The following USP26 variants were observed in gnomAD, a reference collection of about 807,000 sequenced individuals.
USP26 encodes ubiquitin carboxyl-terminal hydrolase 26.
For synonymous variants in USP26, 236 were observed against 240.6 expected (o/e 0.98, Z 0.18); for missense variants, 649 against 642.3 (o/e 1.01, Z -0.11).
chrX:133,072,059 G>A (rs962505423), intron 5 of USP26, among the ~76,000 whole-genome samples: 1 of 111,452 alleles, frequency 9.0e-6, no homozygotes, highest in African/African-American at 3.3e-5. Flanking sequence ...CCTACCCTGG[G>A]TAATACATTG....
chrX:133,077,528 T>C (rs918353680), intron 5 of USP26, among the ~76,000 whole-genome samples: 2 of 112,142 alleles, frequency 1.8e-5, no homozygotes, highest in African/African-American at 3.2e-5. Flanking sequence ...TCAGATATAC[T>C]ACAAAGAAGG....
At chrX:133,084,512 C>CTTTTTT (rs34922544) in intron 4 of USP26, among the ~76,000 whole-genome samples, 1 of 71,143 alleles carries the variant, frequency 1.4e-5, no homozygotes, top group African/African-American at 5.9e-5. Context: ...GGCAGAACTT[C>CTTTTTT]TTTTTTTTTT....
chrX:133,038,222 G>A (rs2067403188), intron 5 of USP26, among the ~76,000 whole-genome samples: 1 of 111,450 alleles, frequency 9.0e-6, no homozygotes, highest in Non-Finnish European at 1.9e-5. Context: ...TGGTGAGAGA[G>A]GGCATCCTTG....
chrX:133,025,447 G>T lies in USP26; in HGVS notation c.*32C>A. 8.3e-7 allele frequency: 1 copy of T among 1,209,732 alleles called. No homozygotes were observed. Among genetic ancestry groups the T allele is most frequent in the Non-Finnish European group, 1.1e-6 (1 of 894,971 alleles). On this transcript the variant is annotated 3_prime_UTR_variant, in exon 6 of 6. Transcript: ENST00000511190. ...GAAGTGGTATCGAGTGAGACAGTCA[G>T]GCAGATCTGTACAAGGAGGAGTACG...
At chrX:133,089,589 T>C (rs759020280) in intron 4 of USP26, among the ~76,000 whole-genome samples, 4 of 111,708 alleles carry the variant, frequency 3.6e-5, no homozygotes, top group Non-Finnish European at 7.5e-5. Flanking sequence ...GTGCAATACC[T>C]GAGAAAGGAA....
chrX:133,069,079 A>C (rs1193633750), intron 5 of USP26, among the ~76,000 whole-genome samples: 1 of 111,434 alleles, frequency 9.0e-6, no homozygotes, highest in African/African-American at 3.3e-5. Flanking sequence ...TACTACTTTT[A>C]TTTACTCCAA....
intron 5 of USP26, among the ~76,000 whole-genome samples, chrX:133,074,078 G>A (rs1286899842): frequency 8.9e-6 from 1 of 111,931 alleles, no homozygotes; most frequent in Non-Finnish European, 1.9e-5. Flanking sequence ...ATAGCAGGAG[G>A]CAAGACTTTG....
Position 133,026,938 on chromosome X carries a change from C to A in USP26, c.1283G>T (p.Ser428Ile), listed in dbSNP as rs1602965537. The A allele has an allele frequency of 8.3e-7, 1 of 1,209,689 alleles. No homozygotes were observed. Among genetic ancestry groups the A allele is most frequent in the East Asian group, 3.0e-5 (1 of 33,734 alleles). Residue 428 changes from serine (S) to isoleucine (I), a missense_variant, in exon 6 of 6, where the codon AGT becomes ATT. Coordinates refer to ENST00000511190, the MANE Select transcript of USP26 (RefSeq NM_031907.3). ...KQVFADDPDT[S>I]GFSCPVITNF... is the part of the protein sequence containing the mutation. The stretch of plus-strand genomic sequence containing the variant: ...AGTAATGACAGGGCAAGAAAACCCA[C>A]TGGTGTCAGGATCATCAGCAAAAAC...
intron 5 of USP26, among the ~76,000 whole-genome samples, chrX:133,058,771 T>A (rs930229570): frequency 4.5e-5 from 5 of 111,929 alleles, no homozygotes; most frequent in African/African-American, 1.6e-4. Context: ...GATTAATAAC[T>A]ACTATGTTGG....
intron 4 of USP26, among the ~76,000 whole-genome samples, chrX:133,088,483 G>T (rs976082620): frequency 2.5e-4 from 28 of 111,150 alleles, no homozygotes; most frequent in African/African-American, 9.2e-4. Context: ...TTGCTCGCCC[G>T]GCTGCTTACC....
chrX:133,056,902 C>T (rs1446773271), intron 5 of USP26, among the ~76,000 whole-genome samples: 3 of 111,178 alleles, frequency 2.7e-5, no homozygotes, highest in Admixed American at 9.6e-5. Context: ...GGCTAAGTAA[C>T]CCAGGCTCTC....
chrX:133,053,311 G>A (rs975635966), intron 5 of USP26, among the ~76,000 whole-genome samples: 3 of 111,529 alleles, frequency 2.7e-5, no homozygotes, highest in African/African-American at 9.8e-5. Context: ...GCCAAGGCGG[G>A]TGGATTACTT....
At chrX:133,049,665 A>G (rs1262072839) in intron 5 of USP26, among the ~76,000 whole-genome samples, 1 of 112,370 alleles carries the variant, frequency 8.9e-6, no homozygotes, top group Admixed American at 9.4e-5. Flanking sequence ...AATGAGACCA[A>G]TGCTCAAGAA....
chrX:133,042,665 A>G (rs2067423960), intron 5 of USP26, among the ~76,000 whole-genome samples: 1 of 111,871 alleles, frequency 8.9e-6, no homozygotes, highest in Non-Finnish European at 1.9e-5. Context: ...TCCTCCAAGG[A>G]GCTCAATATT....
intron 5 of USP26, among the ~76,000 whole-genome samples, chrX:133,059,140 A>G (rs914708564): frequency 7.2e-5 from 8 of 111,179 alleles, no homozygotes; most frequent in African/African-American, 2.3e-4. Context: ...CATTTCTGCC[A>G]TCTCTGGTTT....
intron 5 of USP26, among the ~76,000 whole-genome samples, chrX:133,059,411 A>G (rs928598008): frequency 3.6e-5 from 4 of 111,169 alleles, no homozygotes; most frequent in African/African-American, 1.3e-4. Flanking sequence ...ATCTTATCTC[A>G]CATTTATACA....
intron 5 of USP26, among the ~76,000 whole-genome samples, chrX:133,036,952 G>C (rs890840898): frequency 1.8e-5 from 2 of 112,572 alleles, no homozygotes; most frequent in South Asian, 3.7e-4. Flanking sequence ...TTATTCATAC[G>C]TTTGTTGGCC....
chrX:133,079,951 C>T (rs1263601893), intron 5 of USP26, among the ~76,000 whole-genome samples: 2 of 111,165 alleles, frequency 1.8e-5, no homozygotes, highest in African/African-American at 6.5e-5. Flanking sequence ...TGTAGGTGGA[C>T]ATATATTAGT....
chrX:133,088,943 GT>G (rs747353965), intron 4 of USP26, among the ~76,000 whole-genome samples: 243 of 98,993 alleles, frequency 2.5e-3, no homozygotes, highest in East Asian at 0.012. Flanking sequence ...TTTAGGTAGA[GT>G]TTTTTTTTTT....
Sources: gnomAD v4.1 joint callset for allele counts (sites outside exome capture counted in the v4.1 genomes callset) on GRCh38, gnomAD v4.1.1 for gene constraint, MANE v1.5 for transcripts, NCBI Gene and HGNC (gene_info 2026-07-23, HGNC 2026-07-21) for gene names.